Variants in INTS13 observed in about 807,000 individuals in gnomAD.
INTS13 encodes the protein asunder, spermatogenesis regulator homolog (Drosphila).
Under a neutral mutation model 90.2 loss-of-function variants are expected in INTS13, and 35 were observed. That is an observed-to-expected ratio of 0.39 (90% CI 0.30 to 0.51). The LOEUF (loss-of-function observed/expected upper bound fraction) is 0.51. INTS13 is among the 20% of genes least tolerant of loss of function. The pLI, the probability that INTS13 is intolerant of heterozygous loss-of-function variation, is 0.80. For synonymous variants in INTS13, 309 were observed against 277.1 expected (o/e 1.11, Z -1.14); for missense variants, 601 against 851.2 (o/e 0.71, Z 3.66).
At chr12:26,917,276 C>G (rs970320901) in intron 10 of INTS13, 76 bp downstream of exon 10, 37 of 415,172 alleles carry the variant, frequency 8.9e-5, no homozygotes, top group Admixed American at 3.4e-4. Context: ...TAATTTCACT[C>G]AAATAATAAT....
chr12:26,906,259 C>T, intron 16 of INTS13, 43 bp downstream of exon 16: 1 of 1,549,218 alleles, frequency 6.5e-7, no homozygotes, highest in Non-Finnish European at 8.8e-7. Context: ...AGGTACTATA[C>T]AGGCAATTGA....
At chr12:26,922,475 T>C (rs775839767) in intron 8 of INTS13, 141 bp downstream of exon 8, 11 of 466,174 alleles carry the variant, frequency 2.4e-5, no homozygotes, top group Middle Eastern at 3.2e-4. Context: ...AAACAGTGTA[T>C]ACAGTATAGG....
intron 15 of INTS13, among the ~76,000 whole-genome samples, chr12:26,908,287 C>T (rs1356768781): frequency 2.6e-5 from 4 of 152,098 alleles, no homozygotes. Flanking sequence ...GTTGTGTACC[C>T]TGATTGTGAT....
chr12:26,933,582 G>A (rs761212048), intron 3 of INTS13, among the ~76,000 whole-genome samples: 14 of 152,094 alleles, frequency 9.2e-5, no homozygotes, highest in African/African-American at 1.9e-4. Context: ...CAGGCAACCC[G>A]GAGGTTATGT....
At chr12:26,908,498 T>C (rs1951678102) in intron 15 of INTS13, among the ~76,000 whole-genome samples, 1 of 152,054 alleles carries the variant, frequency 6.6e-6, no homozygotes, top group Non-Finnish European at 1.5e-5. Context: ...TTTTAGTCTT[T>C]TTTTCAGTGC....
Position 26,924,447 on chromosome 12 carries a change from G to A in INTS13, c.712C>T (p.Arg238Cys), listed in dbSNP as rs769862904. 1.2e-5 allele frequency: 19 copies of A among 1,611,732 alleles called. No homozygotes were observed. The highest frequency in any genetic ancestry group is 2.2e-5 in the South Asian group (2 of 90,784). Reference protein sequence around the residue: ...PVLTSEVHSVRAGRHLATKLN... With the variant: ...PVLTSEVHSVCAGRHLATKLN... ...TTGGTAGCAAGATGCCGTCCTGCAC[G>A]AACACTATGAACTTCACTGGTTAAA... Residue 238 changes from arginine to cysteine, a missense_variant, in exon 7 of 17, where the codon CGT (arginine) becomes TGT (cysteine). Transcript: ENST00000261191.
In INTS13 at chr12:26,922,689, A is replaced by G. The variant is rs540462706; in HGVS notation, c.816T>C (p.His272=). The G allele has an allele frequency of 6.3e-6, 10 of 1,577,126 alleles. 1 individual carries two copies. In the South Asian group the frequency reaches 1.2e-4, roughly 19 times the overall value. ...CATCATAATTGGCAGATGTGTTAGC[A>G]TGCTGTTCTTCCTTGAAGTAAAATT... The part of the protein sequence containing the change: ...ITNIPMKEEQ[H]ANTSANYDVE... The change falls in exon 8 of 17, where the codon CAT becomes CAC. Residue 272 remains histidine (H), a synonymous_variant. Coordinates refer to ENST00000261191, the MANE Select transcript of INTS13 (RefSeq NM_018164.3).
chr12:26,917,982 C>T (rs1354029635), intron 8 of INTS13, among the ~76,000 whole-genome samples: 5 of 151,764 alleles, frequency 3.3e-5, no homozygotes, highest in Non-Finnish European at 5.9e-5. Context: ...ATGTGCCAGG[C>T]GCAGTGGCAG....
intron 10 of INTS13, among the ~76,000 whole-genome samples, chr12:26,916,632 C>T (rs911238368): frequency 5.3e-5 from 8 of 152,106 alleles, no homozygotes; most frequent in Non-Finnish European, 1.0e-4. Context: ...TTCTACATGT[C>T]CAAATGTTAA....
At chr12:26,918,521 A>C (rs1466400240) in intron 8 of INTS13, among the ~76,000 whole-genome samples, 3 of 152,242 alleles carry the variant, frequency 2.0e-5, no homozygotes, top group Non-Finnish European at 4.4e-5. Flanking sequence ...AAGAATTTAA[A>C]AAATCTCAAG....
At chr12:26,930,673 A>G (rs1938139871) in intron 3 of INTS13, among the ~76,000 whole-genome samples, 1 of 152,230 alleles carries the variant, frequency 6.6e-6, no homozygotes, top group African/African-American at 2.4e-5. Flanking sequence ...TTGGGAAAGC[A>G]AAAGAAGTAA....
At chr12:26,926,754 C>G (rs1007804295) in intron 5 of INTS13, among the ~76,000 whole-genome samples, 15 of 152,276 alleles carry the variant, frequency 9.9e-5, no homozygotes, top group African/African-American at 3.6e-4. Flanking sequence ...TGACACATAG[C>G]TCTTAAGTTC....
rs1387922517 is a variant in INTS13, at chr12:26,905,508, T to C, written c.2110A>G (p.Ser704Gly). The change falls in exon 17 of 17, where the codon AGC (serine) becomes GGC (glycine). Residue 704 changes from serine to glycine, a missense_variant. Transcript: ENST00000261191. ...CTTCAAGTCACTCTTCACTGCCGGC[T>C]GGCTTTTCCATTTTCTGTTGTCTCC... ...GMETTENGKA[S>G]RQ 1.2e-6 allele frequency: 2 copies of C among 1,611,698 alleles called. No individual in the cohort carries two copies. Among genetic ancestry groups the C allele is most frequent in the South Asian group, 2.2e-5 (2 of 90,430 alleles).
chr12:26,909,533 G>T (rs915197148), intron 15 of INTS13, among the ~76,000 whole-genome samples: 1 of 146,320 alleles, frequency 6.8e-6, no homozygotes, highest in South Asian at 2.1e-4. Flanking sequence ...CTGGAGTGCA[G>T]TGGCATCTTG....
intron 3 of INTS13, among the ~76,000 whole-genome samples, chr12:26,931,712 A>G (rs1229403791): frequency 6.6e-6 from 1 of 152,206 alleles, no homozygotes; most frequent in Non-Finnish European, 1.5e-5. Context: ...ATAATGTTAA[A>G]ACATAAACCT....
chr12:26,916,952 A>G (rs934298355), intron 10 of INTS13, among the ~76,000 whole-genome samples: 17 of 152,200 alleles, frequency 1.1e-4, no homozygotes, highest in African/African-American at 4.1e-4. Flanking sequence ...TTAAAATTCA[A>G]TGGGCCAAGA....
chr12:26,933,500 A>T (rs1228588613), intron 3 of INTS13, among the ~76,000 whole-genome samples: 1 of 152,238 alleles, frequency 6.6e-6, no homozygotes, highest in Non-Finnish European at 1.5e-5. Flanking sequence ...TGCCCTCAAA[A>T]TTTTGAGGAA....
intron 10 of INTS13, 131 bp from the exon 11 acceptor site, chr12:26,916,311 G>C: frequency 3.8e-6 from 3 of 797,606 alleles, no homozygotes; most frequent in Non-Finnish European, 5.7e-6. Flanking sequence ...TGCTAATTTA[G>C]TGTATCTACT....
chr12:26,921,421 GC>G (rs1431546509), intron 8 of INTS13, among the ~76,000 whole-genome samples: 2 of 152,200 alleles, frequency 1.3e-5, no homozygotes, highest in Non-Finnish European at 2.9e-5. Context: ...GTTTGAGAAA[GC>G]CATGGCTATC....
Sources: gnomAD v4.1 joint callset for allele counts (sites outside exome capture counted in the v4.1 genomes callset) on GRCh38, gnomAD v4.1.1 for gene constraint, MANE v1.5 for transcripts, NCBI Gene and HGNC (gene_info 2026-07-23, HGNC 2026-07-21) for gene names.